The following MAPT variants were observed in gnomAD, a reference collection of about 807,000 sequenced individuals.
MAPT encodes the protein microtubule associated protein tau.
MAPT carries 34 observed loss-of-function variants against 67.9 expected under a neutral mutation model. The ratio of observed to expected loss-of-function variants is 0.50; its 90% CI spans 0.38 to 0.67. MAPT has a LOEUF of 0.67. Among genes scored for constraint, MAPT ranks in the 30% least tolerant of loss-of-function variants. MAPT has a pLI of 0.00. For missense variants in MAPT, 881 were observed against 1,115.2 expected (o/e 0.79, Z 2.99); for synonymous variants, 456 against 464.5 (o/e 0.98, Z 0.23).
chr17:45,999,449 T>G, intron 9 of MAPT: 1 of 1,614,058 alleles, frequency 6.2e-7, no homozygotes, highest in Non-Finnish European at 8.5e-7. Context: ...GTAGCTTCCC[T>G]GTTGACCCTG....
intron 5 of MAPT, chr17:45,985,815 A>G: frequency 1.5e-6 from 1 of 689,424 alleles, no homozygotes; most frequent in Non-Finnish European, 1.8e-6. Flanking sequence ...TTACAGACCC[A>G]GTTGTGGGGT....
At chr17:46,014,691 AG>A (rs1459838537) in intron 11 of MAPT, among the ~76,000 whole-genome samples, 2 of 152,084 alleles carry the variant, frequency 1.3e-5, no homozygotes, top group African/African-American at 2.4e-5. Context: ...TGGCTAACAC[AG>A]TGAAACCCCG....
intron 1 of MAPT, chr17:45,895,043 A>ATGGG (rs2063071110): frequency 7.4e-6 from 1 of 134,978 alleles, no homozygotes; most frequent in African/African-American, 3.2e-5. Context: ...TTTTGCCGCA[A>ATGGG]TGGGCGTGTG....
At position 46,026,418 on chromosome 17, in the gene MAPT, G is replaced by T. The variant is rs1443978796; in HGVS notation, c.*2247G>T. ...AGGTCTTGTGGCTGGTCTGGCTTGC[G>T]GCGCGAGGATGGTTCTCTCTGGTCA... On this transcript the variant is annotated 3_prime_UTR_variant, in exon 13 of 13. Transcript: ENST00000262410. The T allele has an allele frequency of 6.6e-6, 1 of 152,372 alleles. No individual in the cohort carries two copies. Among genetic ancestry groups the T allele is most frequent in the Non-Finnish European group, 1.5e-5 (1 of 68,178 alleles). 9.4% of individuals were successfully genotyped at this position (152,372 alleles called of 1,614,324 possible).
intron 1 of MAPT, among the ~76,000 whole-genome samples, chr17:45,910,325 G>A (rs1263133636): frequency 2.6e-5 from 4 of 152,164 alleles, no homozygotes; most frequent in African/African-American, 9.7e-5. Context: ...AGATTAGGAC[G>A]TTGAGATTCA....
intron 1 of MAPT, among the ~76,000 whole-genome samples, chr17:45,918,716 A>G (rs1019951010): frequency 6.6e-6 from 1 of 152,228 alleles, no homozygotes; most frequent in South Asian, 2.1e-4. Flanking sequence ...TCACATTACT[A>G]TAAAGACCTA....
chr17:45,932,174 A>G (rs1236133961), intron 1 of MAPT: 2 of 152,144 alleles, frequency 1.3e-5, no homozygotes, highest in South Asian at 2.1e-4. Flanking sequence ...TTCTGTCTTC[A>G]TAATCACTGT....
At chr17:45,998,724 G>A (rs2074725420) in intron 9 of MAPT, among the ~76,000 whole-genome samples, 1 of 152,134 alleles carries the variant, frequency 6.6e-6, no homozygotes, top group Non-Finnish European at 1.5e-5. Context: ...TACCGCAGCT[G>A]AGGGAAACTG....
chr17:46,018,546 A>G (rs931307477), intron 11 of MAPT, 72 bp from the exon 12 acceptor site: 4 of 1,133,516 alleles, frequency 3.5e-6, no homozygotes, highest in Non-Finnish European at 5.4e-6. Flanking sequence ...TGCAGACCTC[A>G]TGTAATGTAT....
intron 1 of MAPT, among the ~76,000 whole-genome samples, chr17:45,908,781 G>A (rs917347700): frequency 6.6e-6 from 1 of 152,102 alleles, no homozygotes; most frequent in Non-Finnish European, 1.5e-5. Flanking sequence ...CTCAGTTCTG[G>A]TCTTGCCTCC....
chr17:46,005,116 C>T (rs1221659551), intron 9 of MAPT, among the ~76,000 whole-genome samples: 1 of 152,216 alleles, frequency 6.6e-6, no homozygotes, highest in Non-Finnish European at 1.5e-5. Context: ...GTGGCAGATA[C>T]TGAATTATTG....
At chr17:46,002,659 G>T (rs2075097838) in intron 9 of MAPT, among the ~76,000 whole-genome samples, 1 of 151,836 alleles carries the variant, frequency 6.6e-6, no homozygotes, top group African/African-American at 2.4e-5. Context: ...TGAGCAGTGG[G>T]GCTTTGAAAG....
intron 1 of MAPT, among the ~76,000 whole-genome samples, chr17:45,920,057 A>G (rs1333434030): frequency 6.6e-6 from 1 of 152,260 alleles, no homozygotes; most frequent in African/African-American, 2.4e-5. Context: ...TGCCATAGAC[A>G]GGGAACCTTC....
At chr17:45,990,823 TG>T (rs1434162333) in intron 7 of MAPT, among the ~76,000 whole-genome samples, 3 of 152,184 alleles carry the variant, frequency 2.0e-5, no homozygotes, top group African/African-American at 7.2e-5. Flanking sequence ...GGTCATCTGC[TG>T]GGTAACGGAA....
intron 1 of MAPT, among the ~76,000 whole-genome samples, chr17:45,939,270 T>A (rs1568203245): frequency 1.3e-5 from 2 of 152,150 alleles, no homozygotes; most frequent in African/African-American, 2.4e-5. Flanking sequence ...AAGAGAAGAT[T>A]TAATAATTAA....
At position 45,923,115 on chromosome 17, in the gene MAPT, C is replaced by T. The variant is rs2065915867; in HGVS notation, c.-18+28429C>T. Among the ~76,000 whole-genome samples the T allele has an allele frequency of 2.6e-5, 4 of 152,082 alleles. No homozygotes were observed. The South Asian group carries it at 8.3e-4, about 31-fold the overall frequency. On this transcript the variant is annotated intron_variant, in intron 1 of 12. Coordinates refer to ENST00000262410, the MANE Select transcript of MAPT (RefSeq NM_001377265.1). ...TAATATCTTCCCCTTTGAGGAATGC[C>T]CTCTAAGGGGTGTTGTGAAGATTCG... is the stretch of plus-strand genomic sequence containing the variant.
chr17:45,959,977 C>T (rs918689135), intron 1 of MAPT, among the ~76,000 whole-genome samples: 1 of 152,298 alleles, frequency 6.6e-6, no homozygotes, highest in East Asian at 1.9e-4. Context: ...AACAAATGCT[C>T]ATGCTATAAT....
At chr17:45,946,462 C>G (rs537472265) in intron 1 of MAPT, among the ~76,000 whole-genome samples, 3 of 150,822 alleles carry the variant, frequency 2.0e-5, no homozygotes, top group Non-Finnish European at 4.4e-5. Flanking sequence ...ATTAGCCAGG[C>G]GTGGTGGGTG....
chr17:45,934,737 G>A (rs1456514580), intron 1 of MAPT, among the ~76,000 whole-genome samples: 1 of 152,238 alleles, frequency 6.6e-6, no homozygotes, highest in African/African-American at 2.4e-5. Context: ...CTAAGAGGCA[G>A]TAGCTAATTC....
Sources: allele counts gnomAD v4.1 joint callset (sites outside exome capture counted in the v4.1 genomes callset), GRCh38; gene constraint gnomAD v4.1.1; transcripts MANE v1.5; gene names NCBI Gene and HGNC (gene_info 2026-07-23, HGNC 2026-07-21).